The following DNM3 variants were observed in gnomAD, a reference collection of about 807,000 sequenced individuals.
The protein encoded by DNM3 is dynamin-3.
DNM3 carries 47 observed loss-of-function variants against 101.6 expected under a neutral mutation model. The ratio of observed to expected loss-of-function variants is 0.46; its 90% CI spans 0.37 to 0.59. DNM3 has a LOEUF of 0.59. DNM3 is among the 20% of genes least tolerant of loss of function. DNM3 has a pLI of 0.00. For missense variants in DNM3, 849 were observed against 1,085.7 expected (o/e 0.78, Z 3.06); for synonymous variants, 385 against 387.9 (o/e 0.99, Z 0.09).
In DNM3 at chr1:172,163,954, TATACAC is replaced by T. The variant is rs1163345283; in HGVS notation, c.1659+32668_1659+32673del. On this transcript the variant is annotated intron_variant, in intron 14 of 20. Coordinates refer to ENST00000627582, the MANE Select transcript of DNM3 (RefSeq NM_015569.5). The stretch of plus-strand genomic sequence containing the variant: ...GCATATATACACATGCATACATATA[TATACAC>T]ACACACACACACACACACACACACA... 3.6e-4 allele frequency among the ~76,000 whole-genome samples: 40 copies of T among 112,232 alleles called. 1 individual carries two copies. The East Asian group carries it at 7.1e-3, about 20-fold the overall frequency. The allele number at this position is 112,232 out of a possible 152,430, so 73.6% of individuals were successfully genotyped here.
At chr1:172,048,803 C>G in intron 10 of DNM3, 53 bp downstream of exon 10, 2 of 1,577,546 alleles carry the variant, frequency 1.3e-6, no homozygotes, top group East Asian at 2.3e-5. Context: ...TATCAACATT[C>G]CCTATCTCAT....
At chr1:171,922,621 A>G (rs142279591) in intron 2 of DNM3, among the ~76,000 whole-genome samples, 1 of 152,216 alleles carries the variant, frequency 6.6e-6, no homozygotes, top group Non-Finnish European at 1.5e-5. Context: ...ATGTGCAACC[A>G]TCTCCACAAT....
At chr1:172,239,375 G>A (rs1045717642) in intron 14 of DNM3, among the ~76,000 whole-genome samples, 1 of 152,064 alleles carries the variant, frequency 6.6e-6, no homozygotes, top group African/African-American at 2.4e-5. Flanking sequence ...TTTTTTCCAA[G>A]GAAAAGGAAA....
chr1:172,041,135 T>C (rs1281325875), intron 7 of DNM3, among the ~76,000 whole-genome samples: 1 of 152,100 alleles, frequency 6.6e-6, no homozygotes, highest in East Asian at 1.9e-4. Flanking sequence ...AGCAGGATCA[T>C]CATCTAGAGG....
chr1:172,345,368 G>A (rs906639503), intron 17 of DNM3, among the ~76,000 whole-genome samples: 2 of 152,210 alleles, frequency 1.3e-5, no homozygotes, highest in Admixed American at 1.3e-4. Flanking sequence ...AGACAATAAT[G>A]TTGGAAGACA....
chr1:171,893,310 A>G (rs1279179550), intron 1 of DNM3, among the ~76,000 whole-genome samples: 1 of 152,188 alleles, frequency 6.6e-6, no homozygotes, highest in East Asian at 1.9e-4. Context: ...ATTTGCCAAT[A>G]CATACTAAGA....
At chr1:172,298,798 T>A (rs1263504551) in intron 15 of DNM3, among the ~76,000 whole-genome samples, 1 of 130,198 alleles carries the variant, frequency 7.7e-6, no homozygotes, top group Admixed American at 7.7e-5. Flanking sequence ...TGAAAATACA[T>A]AACTAAATAT....
chr1:172,319,986 T>C (rs1406407861), intron 16 of DNM3, among the ~76,000 whole-genome samples: 1 of 151,882 alleles, frequency 6.6e-6, no homozygotes, highest in Non-Finnish European at 1.5e-5. Flanking sequence ...CCAAGCCAAA[T>C]GTCCAACAAT....
chr1:171,914,310 A>T (rs1336832495), intron 1 of DNM3, among the ~76,000 whole-genome samples: 1 of 152,094 alleles, frequency 6.6e-6, no homozygotes, highest in Non-Finnish European at 1.5e-5. Flanking sequence ...GGCATGCACC[A>T]CCACGCCTGG....
At chr1:171,967,716 A>G (rs896819805) in intron 2 of DNM3, among the ~76,000 whole-genome samples, 4 of 152,202 alleles carry the variant, frequency 2.6e-5, no homozygotes, top group African/African-American at 9.7e-5. Flanking sequence ...TGCAATTCCA[A>G]GAAATTAACT....
chr1:171,875,294 T>G (rs2125101787), intron 1 of DNM3, among the ~76,000 whole-genome samples: 1 of 152,330 alleles, frequency 6.6e-6, no homozygotes, highest in South Asian at 2.1e-4. Context: ...CAACAGTGTA[T>G]AAGCCTTCCC....
Position 172,042,211 on chromosome 1 carries a change from A to G in DNM3, c.1128+67A>G, listed in dbSNP as rs971260687. 23 of 1,450,824 alleles carry G rather than the reference A, an allele frequency of 1.6e-5. 1 individual carries two copies. The highest frequency in any genetic ancestry group is 4.0e-4 in the Middle Eastern group (2 of 5,054). 89.9% of individuals were successfully genotyped at this position (1,450,824 alleles called of 1,614,324 possible). ...TCCATATTCTGTTTTATACAACTTA[A>G]TACAATATTGTGTGAGTGGTATAGA... is the stretch of plus-strand genomic sequence containing the variant. On this transcript the variant is annotated intron_variant, in intron 8 of 20. Coordinates refer to ENST00000627582, the MANE Select transcript of DNM3 (RefSeq NM_015569.5).
chr1:172,286,689 T>C (rs1445736440), intron 15 of DNM3, among the ~76,000 whole-genome samples: 3 of 152,224 alleles, frequency 2.0e-5, no homozygotes, highest in Non-Finnish European at 1.5e-5. Flanking sequence ...GAGGGCCTTC[T>C]GTCGCTTCCT....
intron 15 of DNM3, among the ~76,000 whole-genome samples, chr1:172,279,505 A>G (rs1264648547): frequency 6.6e-6 from 1 of 152,116 alleles, no homozygotes; most frequent in Non-Finnish European, 1.5e-5. Context: ...CGCTTGTTCC[A>G]TCTATATGCT....
intron 15 of DNM3, among the ~76,000 whole-genome samples, chr1:172,292,644 A>G (rs900647274): frequency 1.3e-5 from 2 of 151,196 alleles, no homozygotes; most frequent in African/African-American, 4.9e-5. Flanking sequence ...TATATTCCTT[A>G]CACGCAACTA....
At chr1:172,369,098 T>A (rs1399822225) in intron 17 of DNM3, among the ~76,000 whole-genome samples, 2 of 151,236 alleles carry the variant, frequency 1.3e-5, no homozygotes, top group African/African-American at 4.9e-5. Context: ...TTTCAGAAAA[T>A]GGAAGGGAAT....
At chr1:172,122,134 ATGAG>A (rs1335076891) in intron 13 of DNM3, among the ~76,000 whole-genome samples, 2 of 152,226 alleles carry the variant, frequency 1.3e-5, no homozygotes, top group Non-Finnish European at 2.9e-5. Context: ...TTTTAATCAC[ATGAG>A]TATTATAGGA....
At position 171,849,930 on chromosome 1, in the gene DNM3, C is replaced by T. The variant is rs189874365; in HGVS notation, c.161+8113C>T. On this transcript the variant is annotated intron_variant, in intron 1 of 20. Coordinates refer to ENST00000627582, the MANE Select transcript of DNM3 (RefSeq NM_015569.5). ...ATAGAATTAAAATGAATTTTTCTGA[C>T]ATTATTTTTAGTTTTCTCCTAGAGA... Among the ~76,000 whole-genome samples, 343 of 152,226 alleles carry T rather than the reference C, an allele frequency of 2.3e-3. 4 individuals carry two copies. Among genetic ancestry groups the T allele is most frequent in the African/African-American group, 8.0e-3 (331 of 41,536 alleles).
chr1:172,362,532 T>C (rs1380796267), intron 17 of DNM3, among the ~76,000 whole-genome samples: 9 of 152,008 alleles, frequency 5.9e-5, no homozygotes, highest in Non-Finnish European at 4.4e-5. Context: ...GAATCTCATT[T>C]GTTTGTTGTT....
Sources: allele counts gnomAD v4.1 joint callset (sites outside exome capture counted in the v4.1 genomes callset), GRCh38; gene constraint gnomAD v4.1.1; transcripts MANE v1.5; gene names NCBI Gene and HGNC (gene_info 2026-07-23, HGNC 2026-07-21).